Variants in RALGAPA2 observed in about 807,000 individuals in gnomAD.
RALGAPA2 encodes the protein Ral GTPase activating protein catalytic subunit alpha 2.
RALGAPA2 carries 139 observed loss-of-function variants against 230.4 expected under a neutral mutation model. The ratio of observed to expected loss-of-function variants is 0.60; its 90% confidence interval spans 0.53 to 0.69. The LOEUF is 0.69. Ranked by LOEUF, RALGAPA2 falls within the 30% of genes least tolerant of loss-of-function variation. The pLI, the probability that RALGAPA2 is intolerant of heterozygous loss-of-function variation, is 0.00. For missense variants in RALGAPA2, 2,163 were observed against 2,276.0 expected, an observed-to-expected ratio of 0.95 and a Z score of 1.01; for synonymous variants, 847 against 837.8, an observed-to-expected ratio of 1.01 and a Z score of -0.19.
intron 38 of RALGAPA2, among the ~76,000 whole-genome samples, chr20:20,407,731 T>C (rs567808629): frequency 1.3e-5 from 2 of 152,244 alleles, no homozygotes; most frequent in East Asian, 1.9e-4. Context: ...GACTGTGTTG[T>C]AGAAGAAAAG....
At chr20:20,505,325 A>AC in intron 34 of RALGAPA2, 86 bp downstream of exon 34, 1 of 1,314,588 alleles carries the variant, frequency 7.6e-7, no homozygotes, top group Non-Finnish European at 9.9e-7. Flanking sequence ...ATGCAAAAGC[A>AC]CATGTAAAAA....
At chr20:20,648,951 A>G (rs1355934512) in intron 4 of RALGAPA2, among the ~76,000 whole-genome samples, 1 of 152,158 alleles carries the variant, frequency 6.6e-6, no homozygotes, top group East Asian at 1.9e-4. Context: ...TGAAAGAAAG[A>G]GGCTGAGGTT....
intron 36 of RALGAPA2, among the ~76,000 whole-genome samples, chr20:20,484,377 A>G (rs2061853921): frequency 1.3e-5 from 2 of 152,182 alleles, no homozygotes; most frequent in Non-Finnish European, 2.9e-5. Context: ...CCAGGAACAC[A>G]TAACTCCATG....
At chr20:20,580,064 T>C (rs189794844) in intron 20 of RALGAPA2, among the ~76,000 whole-genome samples, 1 of 152,322 alleles carries the variant, frequency 6.6e-6, no homozygotes, top group East Asian at 1.9e-4. Flanking sequence ...TATTCATCTT[T>C]TTATTTCTCA....
At chr20:20,581,726 A>C (rs2064989416) in intron 20 of RALGAPA2, among the ~76,000 whole-genome samples, 1 of 152,134 alleles carries the variant, frequency 6.6e-6, no homozygotes, top group African/African-American at 2.4e-5. Flanking sequence ...CCACCTTCAT[A>C]TGTTAATTTT....
At chr20:20,661,151 G>A (rs371245467) in intron 3 of RALGAPA2, among the ~76,000 whole-genome samples, 2 of 151,936 alleles carry the variant, frequency 1.3e-5, no homozygotes, top group African/African-American at 2.4e-5. Context: ...GGCTATCATC[G>A]AATTTTGCTT....
chr20:20,622,451 A>C (rs1262175357), intron 10 of RALGAPA2, among the ~76,000 whole-genome samples: 3 of 152,236 alleles, frequency 2.0e-5, no homozygotes, highest in Non-Finnish European at 2.9e-5. Flanking sequence ...AAAAATCTTA[A>C]AAGCAGCCAG....
intron 13 of RALGAPA2, among the ~76,000 whole-genome samples, chr20:20,612,968 A>C (rs1009793226): frequency 6.6e-6 from 1 of 152,210 alleles, no homozygotes; most frequent in Non-Finnish European, 1.5e-5. Flanking sequence ...GTTTCAAGTA[A>C]AGCCTTGATC....
chr20:20,599,786 G>A (rs555402495), intron 16 of RALGAPA2, among the ~76,000 whole-genome samples: 14 of 151,872 alleles, frequency 9.2e-5, no homozygotes, highest in African/African-American at 2.4e-4. Context: ...CAGCCTGACC[G>A]ACATGGTGAA....
At chr20:20,582,902 C>G (rs2065027799) in intron 20 of RALGAPA2, 148 bp downstream of exon 20, 1 of 770,978 alleles carries the variant, frequency 1.3e-6, no homozygotes, top group Non-Finnish European at 2.0e-6. Flanking sequence ...TGAATACCAT[C>G]ACTTCCTCCT....
intron 37 of RALGAPA2, among the ~76,000 whole-genome samples, chr20:20,441,378 T>G (rs1426745128): frequency 6.6e-6 from 1 of 152,222 alleles, no homozygotes; most frequent in Non-Finnish European, 1.5e-5. Flanking sequence ...GTGACCGGGA[T>G]GAGGTGAGTG....
rs978916011 is a variant in RALGAPA2 at position 20,476,661 on chromosome 20, A to T, written c.5368-3705T>A. ...AGGCAAGGATTTTTTAGGGTACAAA[A>T]GGCATAAATCATAAAATAAATAAAT... On this transcript the variant is annotated intron_variant, in intron 36 of 39. Coordinates refer to ENST00000202677, the MANE Select transcript of RALGAPA2 (RefSeq NM_020343.4). Among the ~76,000 whole-genome samples, 3 of 147,916 alleles carry T rather than the reference A, an allele frequency of 2.0e-5. No homozygotes were observed. In the Admixed American group the frequency reaches 2.1e-4, roughly 10 times the overall value.
chr20:20,411,473 C>T (rs577904795), intron 38 of RALGAPA2, among the ~76,000 whole-genome samples: 15 of 152,154 alleles, frequency 9.9e-5, no homozygotes, highest in Non-Finnish European at 1.3e-4. Flanking sequence ...AGTTTCTAAA[C>T]GGGTTCCACA....
Position 20,573,025 on chromosome 20 carries a change from C to G in RALGAPA2, c.2751G>C (p.Gly917=). ...CTGGGTGCCAACCAGTGAGGCTCCC[C>G]CCGGCGATTATACTACAGTCATCTG... ...CLTDDCSIIA[G]GSLTGWHPDS... Residue 917 remains glycine, a synonymous_variant, in exon 21 of 40, where the codon GGG becomes GGC. Coordinates refer to ENST00000202677, the MANE Select transcript of RALGAPA2 (RefSeq NM_020343.4). The G allele has an allele frequency of 1.2e-6, 2 of 1,610,396 alleles. No individual in the cohort carries two copies. The highest frequency in any genetic ancestry group is 1.1e-5 in the South Asian group (1 of 90,146).
rs183137959 is a variant in RALGAPA2 at position 20,420,137 on chromosome 20, C to T, written c.5496-7989G>A. Among the ~76,000 whole-genome samples, 21 of 152,096 alleles carry T rather than the reference C, an allele frequency of 1.4e-4. 1 individual carries two copies. Among genetic ancestry groups the T allele is most frequent in the Admixed American group, 3.9e-4 (6 of 15,290 alleles). The stretch of plus-strand genomic sequence containing the variant: ...GTTCGGGCACAGAGAATGCCATGAG[C>T]GGGAAGGAAGTTGGGATACTTCAGG... On this transcript the variant is annotated intron_variant, in intron 37 of 39. Transcript: ENST00000202677.
chr20:20,524,056 A>G (rs2063122959), intron 30 of RALGAPA2, among the ~76,000 whole-genome samples: 2 of 152,046 alleles, frequency 1.3e-5, no homozygotes, highest in African/African-American at 4.8e-5. Flanking sequence ...TCCCAGGTTC[A>G]CGCCATTCTC....
At chr20:20,399,134 C>CCTGACCTT (rs2059778541) in intron 38 of RALGAPA2, among the ~76,000 whole-genome samples, 1 of 152,122 alleles carries the variant, frequency 6.6e-6, no homozygotes, top group South Asian at 2.1e-4. Flanking sequence ...CACCTAAGGT[C>CCTGACCTT]AGGAGTTTGA....
chr20:20,517,828 A>G (rs767257283), intron 31 of RALGAPA2, among the ~76,000 whole-genome samples: 11 of 152,116 alleles, frequency 7.2e-5, no homozygotes, highest in Non-Finnish European at 1.2e-4. Context: ...AAAAAAAAAA[A>G]AGTCAAATCA....
chr20:20,615,185 GA>G (rs1378700671), intron 13 of RALGAPA2, among the ~76,000 whole-genome samples: 1 of 144,856 alleles, frequency 6.9e-6, no homozygotes, highest in Non-Finnish European at 1.5e-5. Flanking sequence ...TTTTTCCCGA[GA>G]CAAGAGTCTC....
Sources: gnomAD v4.1 joint callset for allele counts (sites outside exome capture counted in the v4.1 genomes callset) on GRCh38, gnomAD v4.1.1 for gene constraint, MANE v1.5 for transcripts, NCBI Gene and HGNC (gene_info 2026-07-23, HGNC 2026-07-21) for gene names.